FAM13A: variants seen among roughly 807,000 people sequenced by gnomAD.
The protein encoded by FAM13A is family with sequence similarity 13 member A.
Under a neutral mutation model 129.6 loss-of-function variants are expected in FAM13A, and 76 were observed. That is an observed-to-expected ratio of 0.59 (90% CI 0.49 to 0.71). The LOEUF (loss-of-function observed/expected upper bound fraction) is 0.71, where lower values mean the gene tolerates loss of function less well. Ranked by LOEUF, FAM13A falls within the 30% of genes least tolerant of loss-of-function variation. The pLI is 0.00. For missense variants in FAM13A, 1,108 were observed against 1,249.3 expected (o/e 0.89, Z 1.70); for synonymous variants, 443 against 449.9 (o/e 0.98, Z 0.20).
At chr4:88,845,715 T>C (rs149916612) in intron 7 of FAM13A, among the ~76,000 whole-genome samples, 161 of 152,244 alleles carry the variant, frequency 1.1e-3, no homozygotes, top group Non-Finnish European at 1.7e-3. Flanking sequence ...AGGAGTGAAT[T>C]AGAATCATGA....
chr4:88,886,065 G>A (rs6532085), intron 6 of FAM13A, among the ~76,000 whole-genome samples: 156 of 152,168 alleles, frequency 1.0e-3, no homozygotes, highest in African/African-American at 3.6e-3. Flanking sequence ...TACACTGCTG[G>A]TGGGAATGAA....
chr4:88,958,850 GT>G (rs1041894598), intron 4 of FAM13A, among the ~76,000 whole-genome samples: 8 of 152,220 alleles, frequency 5.3e-5, no homozygotes, highest in Non-Finnish European at 7.3e-5. Flanking sequence ...CATCCTGTAA[GT>G]TTAGCCATGG....
intron 6 of FAM13A, among the ~76,000 whole-genome samples, chr4:88,892,639 G>T (rs1745546492): frequency 6.6e-6 from 1 of 152,068 alleles, no homozygotes; most frequent in Non-Finnish European, 1.5e-5. Context: ...TTTTTTAAGT[G>T]CCAAGATCAT....
intron 3 of FAM13A, among the ~76,000 whole-genome samples, chr4:89,013,546 G>C (rs1449873736): frequency 6.6e-6 from 1 of 152,010 alleles, no homozygotes; most frequent in Admixed American, 6.6e-5. Context: ...CTACATATAT[G>C]ACTATGGTCC....
At chr4:88,789,891 C>T (rs375518356) in intron 9 of FAM13A, among the ~76,000 whole-genome samples, 80 of 152,088 alleles carry the variant, frequency 5.3e-4, no homozygotes, top group Admixed American at 1.9e-3. Flanking sequence ...GTTGGCCCTC[C>T]GTGGGAACAG....
intron 6 of FAM13A, among the ~76,000 whole-genome samples, chr4:88,903,158 T>G (rs1747565287): frequency 1.3e-5 from 2 of 152,184 alleles, no homozygotes; most frequent in African/African-American, 4.8e-5. Context: ...GAATCAGTAT[T>G]ATGAAAATAC....
At chr4:88,865,425 T>C (rs1187728104) in intron 6 of FAM13A, among the ~76,000 whole-genome samples, 1 of 152,242 alleles carries the variant, frequency 6.6e-6, no homozygotes. Flanking sequence ...TTATACCTTA[T>C]AGCTAATACG....
chr4:88,919,842 C>T (rs867844394), intron 5 of FAM13A, among the ~76,000 whole-genome samples: 1 of 152,374 alleles, frequency 6.6e-6, no homozygotes, highest in African/African-American at 2.4e-5. Context: ...GTCACTCCCA[C>T]CCTAATACTG....
At chr4:88,949,403 T>C (rs1022450981) in intron 4 of FAM13A, among the ~76,000 whole-genome samples, 4 of 152,072 alleles carry the variant, frequency 2.6e-5, no homozygotes, top group African/African-American at 7.2e-5. Context: ...ATTAAAAAAA[T>C]GCTGACACAC....
At chr4:88,769,652 T>C (rs985947646) in intron 11 of FAM13A, among the ~76,000 whole-genome samples, 1 of 151,948 alleles carries the variant, frequency 6.6e-6, no homozygotes, top group Non-Finnish European at 1.5e-5. Context: ...ACCAACATAG[T>C]GAAACCCCAT....
chr4:88,924,064 A>G (rs1442867703), intron 5 of FAM13A, among the ~76,000 whole-genome samples: 1 of 152,238 alleles, frequency 6.6e-6, no homozygotes, highest in East Asian at 1.9e-4. Flanking sequence ...GGATACAAAC[A>G]AATGGAAGAA....
intron 1 of FAM13A, among the ~76,000 whole-genome samples, chr4:89,044,136 CAT>C (rs1770531270): frequency 7.1e-6 from 1 of 141,720 alleles, no homozygotes; most frequent in Non-Finnish European, 1.5e-5. Context: ...AGACACAACA[CAT>C]AGAATAGAAT....
At chr4:88,837,071 C>T (rs1734941770) in intron 7 of FAM13A, among the ~76,000 whole-genome samples, 1 of 151,804 alleles carries the variant, frequency 6.6e-6, no homozygotes, top group Non-Finnish European at 1.5e-5. Context: ...CTCCACTCAC[C>T]ACAACCTCTG....
At chr4:88,736,480 A>G (rs2149411768) in intron 21 of FAM13A, 1 of 152,332 alleles carries the variant, frequency 6.6e-6, no homozygotes. Context: ...GCTCGGAACT[A>G]TCACAGAAAT....
intron 3 of FAM13A, among the ~76,000 whole-genome samples, chr4:89,003,338 T>C (rs1282444721): frequency 6.6e-6 from 1 of 150,404 alleles, no homozygotes; most frequent in Non-Finnish European, 1.5e-5. Context: ...GGGCTGGGCA[T>C]GGTGGCTCAC....
intron 8 of FAM13A, among the ~76,000 whole-genome samples, chr4:88,797,005 A>G (rs1026095775): frequency 2.0e-5 from 3 of 152,062 alleles, no homozygotes; most frequent in Non-Finnish European, 4.4e-5. Flanking sequence ...GAAAATAGAC[A>G]AAAAAACCTC....
At chr4:88,981,382 A>C (rs769802949) in intron 4 of FAM13A, among the ~76,000 whole-genome samples, 16 of 152,208 alleles carry the variant, frequency 1.1e-4, no homozygotes, top group Non-Finnish European at 2.4e-4. Context: ...ACTTAATCAG[A>C]TTTTTAAATA....
At chr4:88,859,436 T>A (rs1739110701) in intron 6 of FAM13A, among the ~76,000 whole-genome samples, 1 of 152,036 alleles carries the variant, frequency 6.6e-6, no homozygotes, top group South Asian at 2.1e-4. Flanking sequence ...GGAAGAACAC[T>A]GTGGGCCCAG....
At chr4:88,998,873 A>T (rs896781794) in intron 3 of FAM13A, among the ~76,000 whole-genome samples, 1 of 152,128 alleles carries the variant, frequency 6.6e-6, no homozygotes, top group African/African-American at 2.4e-5. Flanking sequence ...AGGAGGGATT[A>T]TGTTTCTTAC....
Sources: gnomAD v4.1 joint callset for allele counts (sites outside exome capture counted in the v4.1 genomes callset) on GRCh38, gnomAD v4.1.1 for gene constraint, MANE v1.5 for transcripts, NCBI Gene and HGNC (gene_info 2026-07-23, HGNC 2026-07-21) for gene names.